Variants in CHN2 observed in about 807,000 individuals in gnomAD.
The protein encoded by CHN2 is beta-chimaerin.
Under a neutral mutation model 56.3 loss-of-function variants are expected in CHN2, and 35 were observed. The ratio of observed to expected loss-of-function variants is 0.62; its 90% CI spans 0.47 to 0.82. The LOEUF is 0.82. Ranked by LOEUF, CHN2 falls within the 40% of genes least tolerant of loss-of-function variation. The pLI is 0.00. For missense variants in CHN2, 491 were observed against 580.5 expected, an observed-to-expected ratio of 0.85 and a Z score of 1.58; for synonymous variants, 210 against 212.8, an observed-to-expected ratio of 0.99 and a Z score of 0.12.
chr7:29,245,742 G>A, intron 1 of CHN2, among the ~76,000 whole-genome samples: 1 of 152,174 alleles, frequency 6.6e-6, no homozygotes, highest in East Asian at 1.9e-4. Flanking sequence ...GGTGGGGACT[G>A]TATGACAAGG....
intron 3 of CHN2, among the ~76,000 whole-genome samples, chr7:29,388,223 C>T (rs3793271): frequency 1.3e-5 from 2 of 152,128 alleles, no homozygotes; most frequent in Non-Finnish European, 2.9e-5. Flanking sequence ...CAGATATTGG[C>T]AGAAATCCTG....
intron 6 of CHN2, among the ~76,000 whole-genome samples, chr7:29,444,633 TATAAC>T (rs1180744657): frequency 6.6e-6 from 1 of 152,252 alleles, no homozygotes; most frequent in Non-Finnish European, 1.5e-5. Context: ...TCTGAAGTTT[TATAAC>T]ATCTTTTCTG....
chr7:29,399,660 C>T (rs1802041869), intron 5 of CHN2, among the ~76,000 whole-genome samples: 1 of 152,182 alleles, frequency 6.6e-6, no homozygotes, highest in African/African-American at 2.4e-5. Flanking sequence ...GGAATGGTGT[C>T]CATGGAAGCC....
chr7:29,284,085 TG>T (rs781596190), intron 1 of CHN2, among the ~76,000 whole-genome samples: 18 of 151,828 alleles, frequency 1.2e-4, no homozygotes, highest in Non-Finnish European at 2.2e-4. Flanking sequence ...AGCTAATTTT[TG>T]TATTTTTACT....
At chr7:29,265,212 T>C (rs1352232420) in intron 1 of CHN2, among the ~76,000 whole-genome samples, 1 of 152,188 alleles carries the variant, frequency 6.6e-6, no homozygotes, top group Non-Finnish European at 1.5e-5. Flanking sequence ...TAGAAGCAAC[T>C]TCAAGTTTCC....
intron 1 of CHN2, among the ~76,000 whole-genome samples, chr7:29,313,465 ACT>A (rs529737285): frequency 1.2e-3 from 175 of 152,112 alleles, no homozygotes; most frequent in African/African-American, 4.0e-3. Flanking sequence ...GTGTCAGCTC[ACT>A]CTCAGAAAAA....
Position 29,354,675 on chromosome 7 carries a change from A to T in CHN2, c.88+12A>T. On this transcript the variant is annotated intron_variant, in intron 2 of 12. Transcript: ENST00000222792. ...ATGGAAATCATACTGTGAGTACCTG[A>T]AATGAAAATCTCCCCAGAAGTCGTT... is the stretch of plus-strand genomic sequence containing the variant. 6.2e-7 allele frequency: 1 copy of T among 1,612,062 alleles called. No individual in the cohort carries two copies. Among genetic ancestry groups the T allele is most frequent in the Non-Finnish European group, 8.5e-7 (1 of 1,178,710 alleles).
intron 7 of CHN2, among the ~76,000 whole-genome samples, chr7:29,491,184 T>G (rs1672861260): frequency 6.6e-6 from 1 of 152,148 alleles, no homozygotes; most frequent in Admixed American, 6.5e-5. Context: ...GGTATGGCTT[T>G]CTTTCTTACA....
chr7:29,500,362 C>T (rs1583418290), intron 9 of CHN2, among the ~76,000 whole-genome samples: 1 of 152,168 alleles, frequency 6.6e-6, no homozygotes, highest in African/African-American at 2.4e-5. Flanking sequence ...CAGTGGCTAA[C>T]GCCTGTAATC....
At chr7:29,375,408 C>T (rs995626478) in intron 3 of CHN2, among the ~76,000 whole-genome samples, 1 of 151,662 alleles carries the variant, frequency 6.6e-6, no homozygotes, top group Non-Finnish European at 1.5e-5. Flanking sequence ...GTTGGCTGGA[C>T]TGATCTTGAA....
At chr7:29,312,984 C>T (rs769361780) in intron 1 of CHN2, among the ~76,000 whole-genome samples, 7 of 152,134 alleles carry the variant, frequency 4.6e-5, no homozygotes, top group Non-Finnish European at 1.0e-4. Context: ...CCATAGGAAG[C>T]CTCTGCATTT....
intron 9 of CHN2, among the ~76,000 whole-genome samples, chr7:29,501,509 C>G (rs976516136): frequency 2.6e-5 from 4 of 152,102 alleles, no homozygotes; most frequent in Non-Finnish European, 5.9e-5. Flanking sequence ...TGATCCTTAC[C>G]AAAGACAACT....
At chr7:29,336,573 C>T (rs1439258387) in intron 1 of CHN2, among the ~76,000 whole-genome samples, 1 of 151,750 alleles carries the variant, frequency 6.6e-6, no homozygotes, top group Non-Finnish European at 1.5e-5. Flanking sequence ...CAACCTGCAA[C>T]ATAGTGAGAC....
rs949480823 is a variant in CHN2 at position 29,485,537 on chromosome 7, A to G, written c.654+5181A>G. 2.6e-5 allele frequency among the ~76,000 whole-genome samples: 4 copies of G among 152,218 alleles called. No homozygotes were observed. The East Asian group carries it at 5.8e-4, about 22-fold the overall frequency. ...TGTGGTTGTTCTCTCAGCCTTAACC[A>G]AGAATCCTCGTGGGTAGGTGGAAAG... On this transcript the variant is annotated intron_variant, in intron 7 of 12. Transcript: ENST00000222792.
At position 29,195,629 on chromosome 7, in the gene CHN2, A is replaced by AGAGAGAGAGAGAGAGAGAGTGTGTGT. The variant is rs869037854; in HGVS notation, c.49+640_49+641insAGAGAGAGAGAGAGAGAGTGTGTGTG. Among the ~76,000 whole-genome samples the AGAGAGAGAGAGAGAGAGAGTGTGTGT allele has an allele frequency of 1.1e-4, 13 of 117,564 alleles. No homozygotes were observed. In the East Asian group the frequency reaches 2.3e-3, roughly 21 times the overall value. The allele number at this position is 117,564 out of a possible 152,430, so 77.1% of individuals were successfully genotyped here. On this transcript the variant is annotated intron_variant, in intron 1 of 12. Transcript: ENST00000222792. ...GAGAGAGAGAGAGAGAGAGAGAGAG[A>AGAGAGAGAGAGAGAGAGAGTGTGTGT]GTGTGTGTGTGTGTGTGTGTGAGAG...
chr7:29,195,101 C>T lies in CHN2; in HGVS notation c.49+111C>T, dbSNP rs977434120. Reference sequence around the variant, plus strand: ...CCTGTGGCCATCCCGCCCGCTCTCTCGGAATGGGGGCAGGCGTCCGGGGTG... The same window carrying T: ...CCTGTGGCCATCCCGCCCGCTCTCTTGGAATGGGGGCAGGCGTCCGGGGTG... On this transcript the variant is annotated intron_variant, in intron 1 of 12. Transcript: ENST00000222792. The T allele has an allele frequency of 1.1e-5, 13 of 1,206,012 alleles. No individual in the cohort carries two copies. The Admixed American group carries it at 1.9e-4, about 18-fold the overall frequency. 74.7% of individuals were successfully genotyped at this position (1,206,012 alleles called of 1,614,324 possible).
chr7:29,393,656 A>T (rs1339097475), intron 3 of CHN2, 23 bp from the exon 4 acceptor site: 2 of 872,214 alleles, frequency 2.3e-6, no homozygotes, highest in Non-Finnish European at 3.4e-6. Context: ...TGCATTATTA[A>T]TTTTTTTTTC....
At chr7:29,195,896 A>AT (rs1783669438) in intron 1 of CHN2, among the ~76,000 whole-genome samples, 1 of 152,146 alleles carries the variant, frequency 6.6e-6, no homozygotes, top group Admixed American at 6.5e-5. Context: ...AATCAGAATG[A>AT]TGCATTAGGT....
At chr7:29,163,043 A>G (rs1179787544) in intron 2 of CHN2, among the ~76,000 whole-genome samples, 1 of 152,256 alleles carries the variant, frequency 6.6e-6, no homozygotes, top group Non-Finnish European at 1.5e-5. Context: ...ATAATGAACT[A>G]TAGTTATGTA....
Sources: allele counts gnomAD v4.1 joint callset (sites outside exome capture counted in the v4.1 genomes callset), GRCh38; gene constraint gnomAD v4.1.1; transcripts MANE v1.5; gene names NCBI Gene and HGNC (gene_info 2026-07-23, HGNC 2026-07-21).